OS9: variants seen among roughly 807,000 people sequenced by gnomAD.
The protein encoded by OS9 is OS9 endoplasmic reticulum lectin.
A neutral mutation model predicts 84.7 loss-of-function variants in OS9; 58 were observed. The observed-to-expected ratio is 0.68, with a 90% confidence interval of 0.55 to 0.85. The LOEUF is 0.85. Among genes scored for constraint, OS9 ranks in the 40% least tolerant of loss-of-function variants. The pLI is 0.00. For synonymous variants in OS9, 278 were observed against 320.8 expected (o/e 0.87, Z 1.43); for missense variants, 760 against 850.9 (o/e 0.89, Z 1.33).
At position 57,694,723 on chromosome 12, in the gene OS9, G is replaced by GC. The variant is rs763317037; in HGVS notation, c.163-21dup. 1.2e-4 allele frequency: 191 copies of GC among 1,611,572 alleles called. 1 individual carries two copies. The Admixed American group carries it at 3.0e-3, about 25-fold the overall frequency. On this transcript the variant is annotated intron_variant, in intron 1 of 14. Transcript: ENST00000315970. Reference sequence around the variant, plus strand: ...GATCCCAGCCTTTCTTTGCTTCCTTGCCCCCCGACCCTCCCTTCTTTCCCA... The same window carrying GC: ...GATCCCAGCCTTTCTTTGCTTCCTTGCCCCCCCGACCCTCCCTTCTTTCCCA...
At chr12:57,720,739 C>T in intron 14 of OS9, 45 bp from the exon 15 acceptor site, 2 of 1,564,130 alleles carry the variant, frequency 1.3e-6, no homozygotes, top group Middle Eastern at 1.8e-4. Flanking sequence ...CTTCCCTGGG[C>T]TCAACGGCCA....
chr12:57,716,414 G>T lies in OS9; in HGVS notation c.895G>T (p.Ala299Ser), dbSNP rs773308501. ...SGVAPQKMAG[A>S]SPTKDDSKDS... ...TCTCCCTGTTCTCTGTACCCTAGGT[G>T]CGAGCCCGACCAAGGATGACAGTAA... The change falls in exon 8 of 15, where the codon GCG (alanine) becomes TCG (serine). Residue 299 changes from alanine to serine, a missense_variant and splice_region_variant. Ala to Ser is a moderately conservative substitution (Grantham distance 99). Coordinates refer to ENST00000315970, the MANE Select transcript of OS9 (RefSeq NM_006812.4). The T allele has an allele frequency of 2.8e-5, 43 of 1,553,878 alleles. No homozygotes were observed. In the African/African-American group the frequency reaches 5.2e-4, roughly 19 times the overall value.
Position 57,694,247 on chromosome 12 carries a change from G to C in OS9, c.86G>C (p.Gly29Ala). The change falls in exon 1 of 15, where the codon GGG becomes GCG. Residue 29 changes from glycine to alanine, a missense_variant. Transcript: ENST00000315970. ...LLPASLTGGV[G>A]SLNLEELSEM... ...CCCGCAAGTCTGACCGGCGGTGTCG[G>C]GAGCCTGAACCTGGAGGAGCTGAGT... 1 of 1,614,202 alleles carries C rather than the reference G, an allele frequency of 6.2e-7. No homozygotes were observed. Among genetic ancestry groups the C allele is most frequent in the Non-Finnish European group, 8.5e-7 (1 of 1,180,026 alleles).
chr12:57,717,515 G>A (rs991890080), intron 9 of OS9, among the ~76,000 whole-genome samples: 3 of 152,134 alleles, frequency 2.0e-5, no homozygotes, highest in East Asian at 1.9e-4. Context: ...AAAAAGAGCC[G>A]GGCGTGGTGG....
intron 11 of OS9, among the ~76,000 whole-genome samples, 197 bp downstream of exon 11, chr12:57,718,618 T>C (rs1954583084): frequency 6.6e-6 from 1 of 152,034 alleles, no homozygotes; most frequent in Non-Finnish European, 1.5e-5. Context: ...AATATCAGAC[T>C]CTCTGGCCAG....
Position 57,721,052 on chromosome 12 carries a change from G to A in OS9, c.*143G>A. 1 of 918,380 alleles carries A rather than the reference G, an allele frequency of 1.1e-6. No homozygotes were observed. Among genetic ancestry groups the A allele is most frequent in the Non-Finnish European group, 1.7e-6 (1 of 605,004 alleles). The allele number at this position is 918,380 out of a possible 1,614,324, so 56.9% of individuals were successfully genotyped here. On this transcript the variant is annotated 3_prime_UTR_variant, in exon 15 of 15. Coordinates refer to ENST00000315970, the MANE Select transcript of OS9 (RefSeq NM_006812.4). The stretch of plus-strand genomic sequence containing the variant: ...GTGGACCTCTCGGGCAACTCTGTGG[G>A]TGTGGGGGCCCTGGGTGAATGCTGC...
chr12:57,712,037 A>G (rs988899397), intron 5 of OS9, among the ~76,000 whole-genome samples: 10 of 152,234 alleles, frequency 6.6e-5, no homozygotes, highest in African/African-American at 2.4e-4. Context: ...TTAAAAACAT[A>G]TATAAACTCC....
At chr12:57,702,536 C>T (rs1170735588) in intron 5 of OS9, among the ~76,000 whole-genome samples, 3 of 152,190 alleles carry the variant, frequency 2.0e-5, no homozygotes, top group African/African-American at 4.8e-5. Flanking sequence ...CTGCGATGAA[C>T]ATTGGTGTAC....
rs751195053 is a variant in OS9, at chr12:57,716,687, C to T, written c.994-6C>T. The T allele has an allele frequency of 1.8e-5, 29 of 1,613,622 alleles. No homozygotes were observed. The highest frequency in any genetic ancestry group is 4.4e-5 in the South Asian group (4 of 91,076). ...ATACTTGACTCTCTCCTTTTCTCCT[C>T]GTCAGGAGCAGGACCCAAGCCCTGA... On this transcript the variant is annotated splice_polypyrimidine_tract_variant and splice_region_variant and intron_variant, in intron 8 of 14. Transcript: ENST00000315970.
chr12:57,700,315 A>G (rs528034794), intron 5 of OS9, among the ~76,000 whole-genome samples: 108 of 152,216 alleles, frequency 7.1e-4, no homozygotes, highest in African/African-American at 2.3e-3. Context: ...GTCAAGGTAC[A>G]GTAGAGAGAA....
intron 11 of OS9, 97 bp downstream of exon 11, chr12:57,718,518 G>T: frequency 7.7e-7 from 1 of 1,305,050 alleles, no homozygotes; most frequent in Non-Finnish European, 1.1e-6. Flanking sequence ...CACAGCACAG[G>T]GCAAGGACGG....
At chr12:57,717,744 G>A in intron 9 of OS9, 126 bp from the exon 10 acceptor site, 1 of 644,024 alleles carries the variant, frequency 1.6e-6, no homozygotes, top group Admixed American at 3.2e-5. Flanking sequence ...AGTGAGCAGA[G>A]ATTGCACCAC....
chr12:57,720,199 A>G lies in OS9; in HGVS notation c.1701A>G (p.Pro567=). 6.2e-7 allele frequency: 1 copy of G among 1,614,208 alleles called. No homozygotes were observed. Among genetic ancestry groups the G allele is most frequent in the Non-Finnish European group, 8.5e-7 (1 of 1,180,032 alleles). Residue 567 remains proline (P), a synonymous_variant, in exon 13 of 15, where the codon CCA becomes CCG. Coordinates refer to ENST00000315970, the MANE Select transcript of OS9 (RefSeq NM_006812.4). ...TCCTCGAGATGAAACGGGAAAACCC[A>G]CAGCTGAAACAAATCGAGGGGCTGG... is the stretch of plus-strand genomic sequence containing the variant. ...LTVLEMKREN[P]QLKQIEGLVK... is the part of the protein sequence containing the mutation.
chr12:57,708,908 C>A (rs1232698513), intron 5 of OS9, among the ~76,000 whole-genome samples: 2 of 152,134 alleles, frequency 1.3e-5, no homozygotes, highest in Non-Finnish European at 2.9e-5. Flanking sequence ...AATTACTTTC[C>A]CTCCAACAAC....
intron 5 of OS9, among the ~76,000 whole-genome samples, chr12:57,702,851 C>T (rs911798331): frequency 6.6e-6 from 1 of 151,996 alleles, no homozygotes; most frequent in Non-Finnish European, 1.5e-5. Flanking sequence ...TGTTGAACAT[C>T]TTTTCATATG....
At chr12:57,702,006 A>G (rs959345878) in intron 5 of OS9, among the ~76,000 whole-genome samples, 1 of 152,016 alleles carries the variant, frequency 6.6e-6, no homozygotes, top group African/African-American at 2.4e-5. Context: ...CATGTTGGCC[A>G]GGCTGGTCTT....
rs114212961 is a variant in OS9, at chr12:57,698,071, A to C, written c.579+1698A>C. ...TTGTTTAATTCTGTCTTCCCTCACT[A>C]AGATAAGCTCTGGGAAGGCAGGGAT... On this transcript the variant is annotated intron_variant, in intron 5 of 14. Transcript: ENST00000315970. 7.7e-3 allele frequency among the ~76,000 whole-genome samples: 1,177 copies of C among 152,178 alleles called. 17 individuals carry two copies. Among genetic ancestry groups the C allele is most frequent in the African/African-American group, 0.025 (1,057 of 41,512 alleles).
At position 57,720,133 on chromosome 12, in the gene OS9, C is replaced by T; in HGVS notation, c.1635C>T (p.Val545=). Residue 545 remains valine, a synonymous_variant, in exon 13 of 15, where the codon GTC becomes GTT. Coordinates refer to ENST00000315970, the MANE Select transcript of OS9 (RefSeq NM_006812.4). ...CTGAGCACAGAGTCCGGGTCCGGGTCACCAAGCTCCGTCTCGGAGGCCCTA... is the reference window on the plus strand; with the variant it reads ...CTGAGCACAGAGTCCGGGTCCGGGTTACCAAGCTCCGTCTCGGAGGCCCTA... ...EDPEHRVRVR[V]TKLRLGGPNQ... 3 of 1,614,098 alleles carry T rather than the reference C, an allele frequency of 1.9e-6. No individual in the cohort carries two copies. The highest frequency in any genetic ancestry group is 2.2e-5 in the East Asian group (1 of 44,880).
chr12:57,707,838 C>T (rs893420014), intron 5 of OS9, among the ~76,000 whole-genome samples: 1 of 151,810 alleles, frequency 6.6e-6, no homozygotes, highest in Non-Finnish European at 1.5e-5. Flanking sequence ...GCCCTATAAT[C>T]CTAGCATTTT....
Sources: allele counts gnomAD v4.1 joint callset (sites outside exome capture counted in the v4.1 genomes callset), GRCh38; gene constraint gnomAD v4.1.1; transcripts MANE v1.5; gene names NCBI Gene and HGNC (gene_info 2026-07-23, HGNC 2026-07-21).